Variants in CAPN13 observed in about 807,000 individuals in gnomAD.
CAPN13 encodes calpain-13.
A neutral mutation model predicts 98.4 loss-of-function variants in CAPN13; 90 were observed. That is an observed-to-expected ratio of 0.92 (90% CI 0.77 to 1.09). CAPN13 has a LOEUF of 1.09. CAPN13 is among the 50% of genes least tolerant of loss of function. The pLI, the probability that CAPN13 is intolerant of heterozygous loss-of-function variation, is 0.00. For missense variants in CAPN13, 887 were observed against 841.3 expected (o/e 1.05, Z -0.67); for synonymous variants, 330 against 305.5 (o/e 1.08, Z -0.84).
chr2:30,742,367 A>G lies in CAPN13; in HGVS notation c.1446-8T>C, dbSNP rs761058383. 4 of 1,603,486 alleles carry G rather than the reference A, an allele frequency of 2.5e-6. No individual in the cohort carries two copies. In the South Asian group the frequency reaches 3.4e-5, roughly 14 times the overall value. On this transcript the variant is annotated splice_polypyrimidine_tract_variant and splice_region_variant and intron_variant, in intron 13 of 22. Coordinates refer to ENST00000295055, the MANE Select transcript of CAPN13 (RefSeq NM_144575.3). ...AAATGGCTGCTCAGGTGCCTAGAAA[A>G]TCAGAGGACAGTGTGACAAAGATGA...
intron 18 of CAPN13, among the ~76,000 whole-genome samples, chr2:30,735,389 C>A (rs1671307458): frequency 6.6e-6 from 1 of 152,218 alleles, no homozygotes; most frequent in African/African-American, 2.4e-5. Context: ...TGAGGCCAAC[C>A]ATGGGAGACA....
At chr2:30,791,500 T>G (rs1437230443) in intron 1 of CAPN13, among the ~76,000 whole-genome samples, 1 of 152,202 alleles carries the variant, frequency 6.6e-6, no homozygotes, top group African/African-American at 2.4e-5. Flanking sequence ...TGAGATGAAA[T>G]TATTTTGGAA....
intron 22 of CAPN13, among the ~76,000 whole-genome samples, chr2:30,728,038 A>C (rs924082210): frequency 2.0e-5 from 3 of 151,956 alleles, no homozygotes; most frequent in Admixed American, 2.0e-4. Context: ...ACGCTAAGTG[A>C]AAGAAGCCAG....
chr2:30,758,186 G>T (rs1399569230), intron 7 of CAPN13, 49 bp from the exon 8 acceptor site: 2 of 1,386,520 alleles, frequency 1.4e-6, no homozygotes, highest in South Asian at 1.3e-5. Context: ...GCAAAAGTCA[G>T]CAGAAAGGGG....
intron 9 of CAPN13, 104 bp from the exon 10 acceptor site, chr2:30,753,302 T>C (rs7580416): frequency 0.059 from 69,418 of 1,175,334 alleles, 8,960 homozygotes; most frequent in African/African-American, 0.49. Flanking sequence ...CAGAGGCCAG[T>C]GTCTGATCCT....
At chr2:30,800,109 A>AAGAAAGAAG (rs1675119489) in intron 1 of CAPN13, among the ~76,000 whole-genome samples, 1 of 137,644 alleles carries the variant, frequency 7.3e-6, no homozygotes, top group African/African-American at 2.9e-5. Context: ...AAAGAAAGAA[A>AAGAAAGAAG]AGAAAGAAAA....
chr2:30,747,351 C>T (rs1030502836), intron 11 of CAPN13, among the ~76,000 whole-genome samples: 13 of 152,214 alleles, frequency 8.5e-5, no homozygotes, highest in African/African-American at 3.1e-4. Context: ...CAAGCCCTGT[C>T]ACCACCAGGT....
At chr2:30,747,107 T>C (rs991943349) in intron 11 of CAPN13, among the ~76,000 whole-genome samples, 1 of 152,216 alleles carries the variant, frequency 6.6e-6, no homozygotes. Context: ...TGCCTATGAA[T>C]GGGGAGATAC....
rs1670927721 is a variant in CAPN13, at chr2:30,728,217, G to C, written c.*30+2513C>G. ...ATGGGCATGGGGTTTCTTTTTTGTG[G>C]TGATAAAAATGTTCTAACAATCATA... On this transcript the variant is annotated intron_variant, in intron 22 of 22. Coordinates refer to ENST00000295055, the MANE Select transcript of CAPN13 (RefSeq NM_144575.3). Among the ~76,000 whole-genome samples, 3 of 150,526 alleles carry C rather than the reference G, an allele frequency of 2.0e-5. 1 individual carries two copies. The highest frequency in any genetic ancestry group is 7.4e-5 in the African/African-American group (3 of 40,768).
chr2:30,763,157 C>T lies in CAPN13; in HGVS notation c.700-1G>A. On this transcript the variant is annotated splice_acceptor_variant, in intron 6 of 22. Coordinates refer to ENST00000295055, the MANE Select transcript of CAPN13 (RefSeq NM_144575.3). LOFTEE classifies it high-confidence loss of function. ...CCATCGCCTGTGCTGTATCTGTTGG[C>T]TTCAAGGCAGAAAAGCAGATCAAAC... The T allele has an allele frequency of 6.2e-7, 1 of 1,610,122 alleles. No homozygotes were observed. Among genetic ancestry groups the T allele is most frequent in the Non-Finnish European group, 8.5e-7 (1 of 1,178,078 alleles).
chr2:30,805,134 C>T (rs1387271333), intron 1 of CAPN13, among the ~76,000 whole-genome samples: 1 of 152,140 alleles, frequency 6.6e-6, no homozygotes, highest in Non-Finnish European at 1.5e-5. Flanking sequence ...GGTCAGAAGA[C>T]ACAAGCTGGA....
At chr2:30,800,152 GAA>G (rs763600667) in intron 1 of CAPN13, among the ~76,000 whole-genome samples, 2 of 148,846 alleles carry the variant, frequency 1.3e-5, no homozygotes, top group Non-Finnish European at 3.0e-5. Context: ...AAGAAAGAAA[GAA>G]AGAAAGAAAG....
intron 22 of CAPN13, among the ~76,000 whole-genome samples, chr2:30,728,246 T>C (rs1670929294): frequency 6.6e-6 from 1 of 151,274 alleles, no homozygotes; most frequent in Non-Finnish European, 1.5e-5. Flanking sequence ...AATCATATTG[T>C]GGTGATTGTT....
intron 8 of CAPN13, among the ~76,000 whole-genome samples, chr2:30,757,531 A>C (rs979370799): frequency 1.3e-5 from 2 of 152,210 alleles, no homozygotes; most frequent in African/African-American, 4.8e-5. Context: ...TAGATTGGAC[A>C]AAAACATCAT....
At chr2:30,751,600 G>A (rs1672178430) in intron 10 of CAPN13, among the ~76,000 whole-genome samples, 1 of 152,232 alleles carries the variant, frequency 6.6e-6, no homozygotes, top group African/African-American at 2.4e-5. Context: ...GAAATGGCAT[G>A]AACCACCCAA....
Position 30,741,484 on chromosome 2 carries a change from A to C in CAPN13, c.1536+424T>G, listed in dbSNP as rs547028522. 1.1e-4 allele frequency: 109 copies of C among 1,029,376 alleles called. No individual in the cohort carries two copies. In the African/African-American group the frequency reaches 1.5e-3, roughly 14 times the overall value. The allele number at this position is 1,029,376 out of a possible 1,614,324, so 63.8% of individuals were successfully genotyped here. A position where few individuals can be genotyped will look rare whatever the true frequency, so the allele number is the denominator to read the frequency against. On this transcript the variant is annotated intron_variant, in intron 15 of 22. Transcript: ENST00000295055. ...GCCATTAAGGAAATCCTGTGTGCACATAGGTGGTTTGGCAGCAAGGATGCT... is the reference window on the plus strand; with the variant it reads ...GCCATTAAGGAAATCCTGTGTGCACCTAGGTGGTTTGGCAGCAAGGATGCT...
chr2:30,784,761 C>A (rs893845954), intron 2 of CAPN13, among the ~76,000 whole-genome samples: 21 of 152,150 alleles, frequency 1.4e-4, no homozygotes, highest in African/African-American at 4.6e-4. Flanking sequence ...TGACTTTGGG[C>A]AGAGGTCCCC....
intron 17 of CAPN13, chr2:30,737,919 G>A (rs1671454733): frequency 2.6e-6 from 1 of 384,962 alleles, no homozygotes; most frequent in Admixed American, 3.6e-5. Context: ...ACTGTATTAT[G>A]AGATGATACT....
Position 30,758,196 on chromosome 2 carries a change from G to A in CAPN13, c.775-59C>T, listed in dbSNP as rs1002183676. ...CTACAGCAAAAGTCAGCAGAAAGGG[G>A]GATGAATGCAGCTGCTTTTTACCTC... On this transcript the variant is annotated intron_variant, in intron 7 of 22. Coordinates refer to ENST00000295055, the MANE Select transcript of CAPN13 (RefSeq NM_144575.3). 4 of 1,289,030 alleles carry A rather than the reference G, an allele frequency of 3.1e-6. No individual in the cohort carries two copies. The African/African-American group carries it at 4.5e-5, about 15-fold the overall frequency. 79.8% of individuals were successfully genotyped at this position (1,289,030 alleles called of 1,614,324 possible). A position where few individuals can be genotyped will look rare whatever the true frequency, so the allele number is the denominator to read the frequency against.
Sources: allele counts gnomAD v4.1 joint callset (sites outside exome capture counted in the v4.1 genomes callset), GRCh38; gene constraint gnomAD v4.1.1; transcripts MANE v1.5; gene names NCBI Gene and HGNC (gene_info 2026-07-23, HGNC 2026-07-21).